MRM2: variants seen among roughly 807,000 people sequenced by gnomAD.
MRM2 encodes rRNA methyltransferase 2, mitochondrial.
In MRM2, 15 loss-of-function variants were observed where a neutral mutation model predicts 10.9. The ratio of observed to expected loss-of-function variants is 1.37; its 90% confidence interval spans 0.92 to 2.11. The LOEUF is 2.11. MRM2 is among the 30% of genes most tolerant of loss of function. The pLI, the probability that MRM2 is intolerant of heterozygous loss-of-function variation, is 0.00. For missense variants in MRM2, 328 were observed against 321.3 expected, an observed-to-expected ratio of 1.02 and a Z score of -0.16; for synonymous variants, 139 against 128.7, an observed-to-expected ratio of 1.08 and a Z score of -0.54.
rs1171394005 is a variant in MRM2 at position 2,242,149 on chromosome 7, G to C, written c.8+13C>G. The C allele has an allele frequency of 3.8e-6, 6 of 1,583,216 alleles. No homozygotes were observed. In the East Asian group the frequency reaches 9.4e-5, roughly 25 times the overall value. On this transcript the variant is annotated intron_variant, in intron 1 of 2. Coordinates refer to ENST00000242257, the MANE Select transcript of MRM2 (RefSeq NM_013393.3). ...CCCGCTGTCTGCACGCGCAGCAGCAGCGCCCAGCTCACCCCGCCATTGGTG... is the reference window on the plus strand; with the variant it reads ...CCCGCTGTCTGCACGCGCAGCAGCACCGCCCAGCTCACCCCGCCATTGGTG...
In MRM2 at chr7:2,235,363, T is replaced by C. The variant is rs934976350; in HGVS notation, c.500A>G (p.His167Arg). The C allele has an allele frequency of 3.7e-6, 6 of 1,614,004 alleles. No individual in the cohort carries two copies. Among genetic ancestry groups the C allele is most frequent in the Non-Finnish European group, 5.1e-6 (6 of 1,180,024 alleles). The change falls in exon 3 of 3, where the codon CAT becomes CGT. Residue 167 changes from histidine to arginine, a missense_variant. Physicochemically the swap from His to Arg is conservative, Grantham distance 29. Coordinates refer to ENST00000242257, the MANE Select transcript of MRM2 (RefSeq NM_013393.3). ...CAGGCACAGGCTGATGAGCCTGTCA[T>C]GATCGAGGTCCCGGAACCCTGTGGC... is the stretch of plus-strand genomic sequence containing the variant. ...PNATGFRDLD[H>R]DRLISLCLTL...
chr7:2,235,283 T>C lies in MRM2; in HGVS notation c.580A>G (p.Lys194Glu), dbSNP rs765282088. The C allele has an allele frequency of 6.2e-7, 1 of 1,614,184 alleles. No individual in the cohort carries two copies. The highest frequency in any genetic ancestry group is 1.1e-5 in the South Asian group (1 of 91,082). The change falls in exon 3 of 3, where the codon AAA becomes GAA. Residue 194 changes from lysine to glutamate, a missense_variant. By Grantham distance (56) the Lys-to-Glu change is moderately conservative. Coordinates refer to ENST00000242257, the MANE Select transcript of MRM2 (RefSeq NM_013393.3). Reference sequence around the variant, plus strand: ...CGGCTTTGACTTCCAGCCCAGGTTTTACAAAGGAATGTCCCCCCAGGTTGC... The same window carrying C: ...CGGCTTTGACTTCCAGCCCAGGTTTCACAAAGGAATGTCCCCCCAGGTTGC... ...ILQPGGTFLC[K>E]TWAGSQSRRL...
rs774766727 is a variant in MRM2 at position 2,234,255 on chromosome 7, G to C, written c.*867C>G. 1.3e-5 allele frequency: 2 copies of C among 152,282 alleles called. No homozygotes were observed. Among genetic ancestry groups the C allele is most frequent in the African/African-American group, 4.8e-5 (2 of 41,544 alleles). The allele number at this position is 152,282 out of a possible 1,614,324, so 9.4% of individuals were successfully genotyped here. ...AATATAAAGCTGCGTCAAGTTCCTA[G>C]ATGAGTAAAAGAAAATAAACACACC... On this transcript the variant is annotated 3_prime_UTR_variant, in exon 3 of 3. Coordinates refer to ENST00000242257, the MANE Select transcript of MRM2 (RefSeq NM_013393.3).
rs772105747 is a variant in MRM2, at chr7:2,242,156, G to A, written c.8+6C>T. The A allele has an allele frequency of 8.8e-6, 14 of 1,583,404 alleles. No individual in the cohort carries two copies. Among genetic ancestry groups the A allele is most frequent in the Non-Finnish European group, 8.6e-6 (10 of 1,169,096 alleles). On this transcript the variant is annotated splice_donor_region_variant and intron_variant, in intron 1 of 2. Transcript: ENST00000242257. Reference sequence around the variant, plus strand: ...TCTGCACGCGCAGCAGCAGCGCCCAGCTCACCCCGCCATTGGTGTTCCCCG... The same window carrying A: ...TCTGCACGCGCAGCAGCAGCGCCCAACTCACCCCGCCATTGGTGTTCCCCG...
rs149609827 is a variant in MRM2 at position 2,241,138 on chromosome 7, A to G, written c.8+1024T>C. 1.8e-3 allele frequency among the ~76,000 whole-genome samples: 276 copies of G among 151,736 alleles called. 3 individuals are homozygous for G. Among genetic ancestry groups the G allele is most frequent in the African/African-American group, 6.3e-3 (262 of 41,292 alleles). The stretch of plus-strand genomic sequence containing the variant: ...CACCTCAGCCTCCTGAGTAGCTGAG[A>G]CTACAGGTGTGTGCCACCACTTCCG... On this transcript the variant is annotated intron_variant, in intron 1 of 2. Coordinates refer to ENST00000242257, the MANE Select transcript of MRM2 (RefSeq NM_013393.3).
Position 2,237,731 on chromosome 7 carries a change from C to T in MRM2, c.298+1687G>A, listed in dbSNP as rs545673134. ...CAGAGGCGGGCGGATCACCTGAGGC[C>T]TGGAGTTCGAGACCAGCCTGGCCAA... is the stretch of plus-strand genomic sequence containing the variant. On this transcript the variant is annotated intron_variant, in intron 2 of 2. Coordinates refer to ENST00000242257, the MANE Select transcript of MRM2 (RefSeq NM_013393.3). 1.5e-3 allele frequency among the ~76,000 whole-genome samples: 221 copies of T among 152,134 alleles called. 1 individual carries two copies. The highest frequency in any genetic ancestry group is 5.0e-3 in the African/African-American group (209 of 41,506).
intron 2 of MRM2, among the ~76,000 whole-genome samples, chr7:2,236,813 C>T (rs766201994): frequency 6.6e-6 from 1 of 152,066 alleles, no homozygotes; most frequent in South Asian, 2.1e-4. Context: ...GAACTACGGC[C>T]CTCCTCAGTG....
chr7:2,235,433 G>C lies in MRM2; in HGVS notation c.430C>G (p.Pro144Ala), dbSNP rs963272926. The change falls in exon 3 of 3, where the codon CCT (proline) becomes GCT (alanine). Residue 144 changes from proline to alanine, a missense_variant. Transcript: ENST00000242257. The part of the protein sequence containing the change: ...RTSQRILEVL[P>A]GRRADVILSD... ...AGAATCACATCTGCTCTCCTGCCAG[G>C]AAGCACCTCGAGGATTCTCTGTGAG... 3 of 1,613,922 alleles carry C rather than the reference G, an allele frequency of 1.9e-6. No individual in the cohort carries two copies. Among genetic ancestry groups the C allele is most frequent in the Non-Finnish European group, 1.7e-6 (2 of 1,180,026 alleles).
chr7:2,237,135 G>A (rs1160121832), intron 2 of MRM2, among the ~76,000 whole-genome samples: 1 of 152,104 alleles, frequency 6.6e-6, no homozygotes, highest in Non-Finnish European at 1.5e-5. Flanking sequence ...GCTTCCCAAG[G>A]AGCTAGGACC....
chr7:2,235,429 C>A lies in MRM2; in HGVS notation c.434G>T (p.Gly145Val). 1 of 1,614,040 alleles carries A rather than the reference C, an allele frequency of 6.2e-7. No homozygotes were observed. Residue 145 changes from glycine to valine, a missense_variant, in exon 3 of 3, where the codon GGC (glycine) becomes GTC (valine). By Grantham distance (109) the Gly-to-Val change is moderately radical. Coordinates refer to ENST00000242257, the MANE Select transcript of MRM2 (RefSeq NM_013393.3). ...TSQRILEVLP[G>V]RRADVILSDM... ...GCTCAGAATCACATCTGCTCTCCTGCCAGGAAGCACCTCGAGGATTCTCTG... is the reference window on the plus strand; with the variant it reads ...GCTCAGAATCACATCTGCTCTCCTGACAGGAAGCACCTCGAGGATTCTCTG...
In MRM2 at chr7:2,235,194, G is replaced by A. The variant is rs765146879; in HGVS notation, c.669C>T (p.Ser223=). 4 of 1,613,996 alleles carry A rather than the reference G, an allele frequency of 2.5e-6. No individual in the cohort carries two copies. In the East Asian group the frequency reaches 8.9e-5, roughly 36 times the overall value. Residue 223 remains serine, a synonymous_variant, in exon 3 of 3, where the codon AGC becomes AGT. Transcript: ENST00000242257. Reference sequence around the variant, plus strand: ...AGTACACTTCTGATGACTCTTTCCTGCTGGCTTCAGGTTTGATGATCCTTA... The same window carrying A: ...AGTACACTTCTGATGACTCTTTCCTACTGGCTTCAGGTTTGATGATCCTTA... ...QNVRIIKPEA[S]RKESSEVYFL...
At position 2,236,161 on chromosome 7, in the gene MRM2, C is replaced by T. The variant is rs144947457; in HGVS notation, c.299-597G>A. ...AGGAGAATCGCTTGAACCCGGGAAG[C>T]GGAGGTTGCAGTGAGCCAAGATCGC... On this transcript the variant is annotated intron_variant, in intron 2 of 2. Coordinates refer to ENST00000242257, the MANE Select transcript of MRM2 (RefSeq NM_013393.3). 2.8e-4 allele frequency among the ~76,000 whole-genome samples: 42 copies of T among 152,192 alleles called. No individual in the cohort carries two copies. In the East Asian group the frequency reaches 7.9e-3, roughly 29 times the overall value.
intron 1 of MRM2, 187 bp downstream of exon 1, chr7:2,241,975 C>T: frequency 3.4e-6 from 2 of 587,658 alleles, no homozygotes; most frequent in South Asian, 5.3e-5. Flanking sequence ...CCCTGGAGAC[C>T]TGAGGGCGCC....
In MRM2 at chr7:2,234,609, C is replaced by A. The variant is rs1374472530; in HGVS notation, c.*513G>T. The A allele has an allele frequency of 6.4e-6, 1 of 156,480 alleles. No individual in the cohort carries two copies. The allele number at this position is 156,480 out of a possible 1,614,324, so 9.7% of individuals were successfully genotyped here. A position where few individuals can be genotyped will look rare whatever the true frequency, so the allele number is the denominator to read the frequency against. On this transcript the variant is annotated 3_prime_UTR_variant, in exon 3 of 3. Coordinates refer to ENST00000242257, the MANE Select transcript of MRM2 (RefSeq NM_013393.3). The stretch of plus-strand genomic sequence containing the variant: ...ACTTCAAGCAATCCCCCAGCCTCAG[C>A]CTTCTAAAGCCCTGGGTTTACAGGC...
At chr7:2,238,984 TA>T in intron 2 of MRM2, 2 of 13,588 alleles carry the variant, frequency 1.5e-4, no homozygotes, top group Non-Finnish European at 2.0e-4. Context: ...TAATTATATA[TA>T]TATATATATA....
intron 1 of MRM2, among the ~76,000 whole-genome samples, chr7:2,241,791 G>A (rs1562403439): frequency 6.6e-6 from 1 of 152,242 alleles, no homozygotes; most frequent in Non-Finnish European, 1.5e-5. Context: ...GCCGGTCCCG[G>A]GGGCCAGGGC....
intron 2 of MRM2, 36 bp from the exon 3 acceptor site, chr7:2,235,600 A>G (rs1162285097): frequency 2.1e-6 from 3 of 1,407,168 alleles, no homozygotes; most frequent in Non-Finnish European, 2.9e-6. Flanking sequence ...ATTTATTTAC[A>G]CCCTGAATCT....
chr7:2,239,842 A>T, intron 1 of MRM2, 135 bp from the exon 2 acceptor site: 1 of 757,592 alleles, frequency 1.3e-6, no homozygotes, highest in Non-Finnish European at 2.1e-6. Flanking sequence ...TGAACTGATA[A>T]GGCTACACAG....
chr7:2,240,651 C>T (rs1794508321), intron 1 of MRM2, among the ~76,000 whole-genome samples: 2 of 152,084 alleles, frequency 1.3e-5, no homozygotes, highest in South Asian at 4.1e-4. Context: ...GGAAGCTATA[C>T]ACACCTCCCC....
Sources: allele counts gnomAD v4.1 joint callset (sites outside exome capture counted in the v4.1 genomes callset), GRCh38; gene constraint gnomAD v4.1.1; transcripts MANE v1.5; gene names NCBI Gene and HGNC (gene_info 2026-07-23, HGNC 2026-07-21).